The following PSD3 variants were observed in gnomAD, a reference collection of about 807,000 sequenced individuals.
The protein encoded by PSD3 is pleckstrin and Sec7 domain containing 3.
Under a neutral mutation model 105.5 loss-of-function variants are expected in PSD3, and 49 were observed. The ratio of observed to expected loss-of-function variants is 0.46; its 90% CI spans 0.37 to 0.59. The LOEUF is 0.59. Among genes scored for constraint, PSD3 ranks in the 20% least tolerant of loss-of-function variants. PSD3 has a pLI of 0.00. For synonymous variants in PSD3, 557 were observed against 457.8 expected (o/e 1.22, Z -2.77); for missense variants, 1,561 against 1,263.8 (o/e 1.24, Z -3.57).
Position 18,872,052 on chromosome 8 carries a change from T to A in PSD3, c.812A>T (p.Glu271Val). 6.2e-7 allele frequency: 1 copy of A among 1,614,146 alleles called. No homozygotes were observed. The highest frequency in any genetic ancestry group is 8.5e-7 in the Non-Finnish European group (1 of 1,180,022). ...HSAGSVGFLK[E>V]QRSALGREHP... ...CTCTCTCCCAAGAGCAGACCTCTGC[T>A]CTTTCAAGAAACCAACACTGCCTGC... is the stretch of plus-strand genomic sequence containing the variant. The change falls in exon 3 of 16, where the codon GAG (glutamate) becomes GTG (valine). Residue 271 changes from glutamate (E) to valine (V), a missense_variant. Transcript: ENST00000327040.
At chr8:18,785,279 A>T (rs1245530558) in intron 8 of PSD3, among the ~76,000 whole-genome samples, 1 of 152,196 alleles carries the variant, frequency 6.6e-6, no homozygotes, top group Non-Finnish European at 1.5e-5. Flanking sequence ...AGGAAAAAAT[A>T]TCTTACCTAG....
intron 1 of PSD3, among the ~76,000 whole-genome samples, chr8:19,068,039 C>T (rs1005509773): frequency 1.3e-5 from 2 of 152,088 alleles, no homozygotes; most frequent in Non-Finnish European, 2.9e-5. Flanking sequence ...AAAGTTCAAC[C>T]CAGCTCATCA....
intron 1 of PSD3, among the ~76,000 whole-genome samples, chr8:18,949,247 ATATAT>A (rs1563453751): frequency 6.1e-4 from 43 of 69,968 alleles, no homozygotes; most frequent in African/African-American, 3.1e-3. Flanking sequence ...AAAAAAAAAT[ATATAT>A]ATATATATAT....
At position 18,996,084 on chromosome 8, in the gene PSD3, C is replaced by T. The variant is rs556512765; in HGVS notation, c.21+17479G>A. On this transcript the variant is annotated intron_variant, in intron 1 of 15. Coordinates refer to ENST00000327040, the MANE Select transcript of PSD3 (RefSeq NM_015310.4). The stretch of plus-strand genomic sequence containing the variant: ...AATGTCTGGGAAACAACTGGTCATC[C>T]ACACAAGATCCAAGGACACCGGTTT... Among the ~76,000 whole-genome samples the T allele has an allele frequency of 2.3e-3, 346 of 152,110 alleles. 3 individuals carry two copies. Among genetic ancestry groups the T allele is most frequent in the African/African-American group, 8.0e-3 (330 of 41,482 alleles).
intron 9 of PSD3, chr8:18,732,920 C>T (rs4621845): frequency 0.33 from 50,618 of 151,750 alleles, 10,980 homozygotes; most frequent in Non-Finnish European, 0.48. Context: ...ATGACCGGGA[C>T]GAAGTACCTT....
In PSD3 at chr8:18,995,866, C is replaced by T. The variant is rs1396059412; in HGVS notation, c.21+17697G>A. 2.0e-5 allele frequency among the ~76,000 whole-genome samples: 3 copies of T among 152,040 alleles called. No individual in the cohort carries two copies. In the East Asian group the frequency reaches 5.8e-4, roughly 29 times the overall value. Reference sequence around the variant, plus strand: ...TGATTCAATTACCTCCCACCAGGTCCCTCCCATGACACGTGGGGATTATGG... The same window carrying T: ...TGATTCAATTACCTCCCACCAGGTCTCTCCCATGACACGTGGGGATTATGG... On this transcript the variant is annotated intron_variant, in intron 1 of 15. Transcript: ENST00000327040.
intron 12 of PSD3, among the ~76,000 whole-genome samples, chr8:18,599,920 G>T (rs984943132): frequency 6.6e-6 from 1 of 152,098 alleles, no homozygotes; most frequent in South Asian, 2.1e-4. Flanking sequence ...CACAGTAAGA[G>T]ATTAACCATA....
At chr8:18,694,696 C>G (rs1585641538) in intron 9 of PSD3, among the ~76,000 whole-genome samples, 1 of 151,340 alleles carries the variant, frequency 6.6e-6, no homozygotes. Context: ...TTCTGATAGG[C>G]TGGGTGCAGT....
chr8:18,762,894 T>C (rs1806656911), intron 9 of PSD3: 2 of 1,254,640 alleles, frequency 1.6e-6, no homozygotes, highest in Non-Finnish European at 2.1e-6. Context: ...AGAATTTGGC[T>C]TATACTTTTA....
At chr8:18,715,142 C>T (rs961149600) in intron 9 of PSD3, among the ~76,000 whole-genome samples, 17 of 151,902 alleles carry the variant, frequency 1.1e-4, no homozygotes, top group South Asian at 2.1e-4. Context: ...GGTGGGAAGA[C>T]GGAGAACATC....
At chr8:18,876,611 G>C (rs1019105910) in intron 2 of PSD3, among the ~76,000 whole-genome samples, 1 of 151,968 alleles carries the variant, frequency 6.6e-6, no homozygotes, top group African/African-American at 2.4e-5. Context: ...TGTTGCCCAG[G>C]CTAGTCTTGA....
intron 1 of PSD3, among the ~76,000 whole-genome samples, chr8:19,046,554 G>A (rs1323921941): frequency 3.9e-5 from 6 of 152,204 alleles, no homozygotes; most frequent in Non-Finnish European, 1.5e-5. Context: ...AAAGGGCCAT[G>A]CCTATTCTTA....
At chr8:18,725,911 G>C (rs1430904997) in intron 9 of PSD3, among the ~76,000 whole-genome samples, 1 of 152,180 alleles carries the variant, frequency 6.6e-6, no homozygotes, top group Non-Finnish European at 1.5e-5. Context: ...GCTGTAGCCA[G>C]GCAATGCAAT....
Position 18,684,727 on chromosome 8 carries a change from G to A in PSD3, c.2173-29042C>T, listed in dbSNP as rs561063622. On this transcript the variant is annotated intron_variant, in intron 9 of 15. Coordinates refer to ENST00000327040, the MANE Select transcript of PSD3 (RefSeq NM_015310.4). ...TAAAGATGTTCTGTTACCTCTCTAGGAGACTGAGAAAATGACTGGGGGGTT... is the reference window on the plus strand; with the variant it reads ...TAAAGATGTTCTGTTACCTCTCTAGAAGACTGAGAAAATGACTGGGGGGTT... Among the ~76,000 whole-genome samples the A allele has an allele frequency of 3.3e-5, 5 of 152,208 alleles. No homozygotes were observed. In the South Asian group the frequency reaches 8.3e-4, roughly 25 times the overall value.
intron 10 of PSD3, among the ~76,000 whole-genome samples, chr8:18,635,727 C>G (rs1843963): frequency 6.6e-6 from 1 of 151,842 alleles, no homozygotes; most frequent in African/African-American, 2.4e-5. Context: ...AATTCATGTC[C>G]TTTGCAGGGA....
intron 4 of PSD3, chr8:18,854,065 CCAGA>C (rs1586230554): frequency 6.6e-6 from 1 of 152,148 alleles, no homozygotes; most frequent in East Asian, 1.9e-4. Context: ...CTGCCTAGGA[CCAGA>C]CAAAGACAAT....
chr8:18,954,114 A>G (rs1221780414), intron 1 of PSD3, among the ~76,000 whole-genome samples: 1 of 152,172 alleles, frequency 6.6e-6, no homozygotes, highest in Non-Finnish European at 1.5e-5. Flanking sequence ...TGATGTGGCT[A>G]CATCCCCATC....
chr8:18,954,989 G>T (rs1236111175), intron 1 of PSD3, among the ~76,000 whole-genome samples: 2 of 152,208 alleles, frequency 1.3e-5, no homozygotes, highest in Non-Finnish European at 2.9e-5. Flanking sequence ...GACAACGAGG[G>T]AGTCAAATAA....
At chr8:18,941,646 C>T (rs952495211) in intron 1 of PSD3, among the ~76,000 whole-genome samples, 12 of 150,296 alleles carry the variant, frequency 8.0e-5, no homozygotes, top group Non-Finnish European at 1.6e-4. Context: ...ACAAGATAAG[C>T]ACTACTGATG....
Sources: gnomAD v4.1 joint callset for allele counts (sites outside exome capture counted in the v4.1 genomes callset) on GRCh38, gnomAD v4.1.1 for gene constraint, MANE v1.5 for transcripts, NCBI Gene and HGNC (gene_info 2026-07-23, HGNC 2026-07-21) for gene names.